The following PTPN23 variants were observed in gnomAD, a reference collection of about 807,000 sequenced individuals.
PTPN23 encodes the protein tyrosine-protein phosphatase non-receptor type 23.
A neutral mutation model predicts 156.3 loss-of-function variants in PTPN23; 72 were observed. The ratio of observed to expected loss-of-function variants is 0.46; its 90% CI spans 0.38 to 0.56. The LOEUF (loss-of-function observed/expected upper bound fraction) is 0.56. PTPN23 is among the 20% of genes least tolerant of loss of function. PTPN23 has a pLI of 0.00. For synonymous variants in PTPN23, 957 were observed against 899.6 expected (o/e 1.06, Z -1.14); for missense variants, 1,974 against 2,171.5 (o/e 0.91, Z 1.81).
At chr3:47,412,070 TC>T in intron 21 of PTPN23, 23 bp from the exon 22 acceptor site, 1 of 1,612,542 alleles carries the variant, frequency 6.2e-7, no homozygotes, top group Non-Finnish European at 8.5e-7. Context: ...CATAGGCTCT[TC>T]CTGGCCCCAT....
chr3:47,396,434 G>A (rs1704880995), intron 2 of PTPN23: 2 of 358,230 alleles, frequency 5.6e-6, no homozygotes. Flanking sequence ...AATTAGGCAG[G>A]TGTGGTGTCA....
intron 1 of PTPN23, among the ~76,000 whole-genome samples, chr3:47,382,680 C>CTTTTTTTT (rs71098482): frequency 0.013 from 787 of 58,624 alleles, 165 homozygotes; most frequent in East Asian, 0.031. Context: ...TTTTTCTTTT[C>CTTTTTTTT]TTTTTTTTTT....
intron 1 of PTPN23, among the ~76,000 whole-genome samples, chr3:47,395,700 G>A (rs1221647976): frequency 2.6e-5 from 4 of 152,228 alleles, no homozygotes; most frequent in Non-Finnish European, 4.4e-5. Context: ...ATGGGTTGGT[G>A]AGAGAGGCTT....
Position 47,410,955 on chromosome 3 carries a change from C to A in PTPN23, c.3157C>A (p.Pro1053Thr). 6.2e-7 allele frequency: 1 copy of A among 1,604,730 alleles called. No homozygotes were observed. The highest frequency in any genetic ancestry group is 8.5e-7 in the Non-Finnish European group (1 of 1,173,422). Residue 1053 changes from proline (P) to threonine (T), a missense_variant, in exon 20 of 25, where the codon CCT becomes ACT. Pro to Thr is a conservative substitution (Grantham distance 38). Around this residue, in one of 4 missense-constraint regions of PTPN23, gnomAD observed 731 missense variants for 669.1 expected, o/e 1.09. Coordinates refer to ENST00000265562, the MANE Select transcript of PTPN23 (RefSeq NM_015466.4). Reference protein sequence around the residue: ...QPPHPPLAYGPAPSTRPMGPQ... With the variant: ...QPPHPPLAYGTAPSTRPMGPQ... ...TCCCCATCCCCCACTGGCATATGGT[C>A]CTGCCCCTTCTACCAGACCCATGGG...
intron 1 of PTPN23, among the ~76,000 whole-genome samples, chr3:47,382,674 T>A (rs1704569147): frequency 7.4e-6 from 1 of 135,852 alleles, no homozygotes; most frequent in Admixed American, 8.0e-5. Context: ...GTTTTCTTTT[T>A]CTTTTCTTTT....
Position 47,410,640 on chromosome 3 carries a change from G to T in PTPN23, c.2842G>T (p.Ala948Ser). ...FSSGIPAGFP[A>S]PRIGPQPQPH... ...TTCTGGGATCCCCGCAGGTTTTCCA[G>T]CCCCAAGGATTGGGCCCCAGCCCCA... The change falls in exon 20 of 25, where the codon GCC (alanine) becomes TCC (serine). Residue 948 changes from alanine to serine, a missense_variant. By Grantham distance (99) the Ala-to-Ser change is moderately conservative. Around this residue, in one of 4 missense-constraint regions of PTPN23, gnomAD observed 731 missense variants for 669.1 expected, o/e 1.09. Transcript: ENST00000265562. 2 of 1,611,384 alleles carry T rather than the reference G, an allele frequency of 1.2e-6. No homozygotes were observed. Among genetic ancestry groups the T allele is most frequent in the Non-Finnish European group, 1.7e-6 (2 of 1,179,340 alleles).
Position 47,402,955 on chromosome 3 carries a change from C to T in PTPN23, c.160-1697C>T, listed in dbSNP as rs375604374. Among the ~76,000 whole-genome samples the T allele has an allele frequency of 9.8e-5, 15 of 152,306 alleles. No homozygotes were observed. In the South Asian group the frequency reaches 1.2e-3, roughly 13 times the overall value. On this transcript the variant is annotated intron_variant, in intron 2 of 24. Transcript: ENST00000265562. ...TCCTGACCTTAGGTGATCCATCCGC[C>T]TTGGCCTCCCAAAGTGCTAGGATTA... is the stretch of plus-strand genomic sequence containing the variant.
At position 47,412,194 on chromosome 3, in the gene PTPN23, T is replaced by C; in HGVS notation, c.4174T>C (p.Cys1392Arg). The stretch of plus-strand genomic sequence containing the variant: ...GCTGCACACGCCCATCATTGTGCAC[T>C]GCAGGTAGAGGGTGGGCCTGAGGGT... ...RPLHTPIIVH[C>R]SSGVGRTGAF... The change falls in exon 22 of 25, where the codon TGC becomes CGC. Residue 1392 changes from cysteine (C) to arginine (R), a missense_variant. Transcript: ENST00000265562. 1.2e-6 allele frequency: 2 copies of C among 1,613,182 alleles called. No individual in the cohort carries two copies. The highest frequency in any genetic ancestry group is 2.2e-5 in the East Asian group (1 of 44,882).
Position 47,413,392 on chromosome 3 carries a change from T to G in PTPN23, c.*207T>G. On this transcript the variant is annotated 3_prime_UTR_variant, in exon 25 of 25. Coordinates refer to ENST00000265562, the MANE Select transcript of PTPN23 (RefSeq NM_015466.4). Reference sequence around the variant, plus strand: ...CTGCTCCTTTATGGGACCCGACATTTTTCAGCTCTTTGCTATTGAAATAAT... The same window carrying G: ...CTGCTCCTTTATGGGACCCGACATTGTTCAGCTCTTTGCTATTGAAATAAT... The G allele has an allele frequency of 1.6e-6, 1 of 634,332 alleles. No homozygotes were observed. Among genetic ancestry groups the G allele is most frequent in the Non-Finnish European group, 2.6e-6 (1 of 384,656 alleles). The allele number at this position is 634,332 out of a possible 1,614,324, so 39.3% of individuals were successfully genotyped here.
At position 47,389,708 on chromosome 3, in the gene PTPN23, C is replaced by T. The variant is rs191965909; in HGVS notation, c.85-6435C>T. Among the ~76,000 whole-genome samples the T allele has an allele frequency of 2.0e-3, 306 of 152,058 alleles. 3 individuals carry two copies. Among genetic ancestry groups the T allele is most frequent in the African/African-American group, 6.7e-3 (277 of 41,496 alleles). On this transcript the variant is annotated intron_variant, in intron 1 of 24. Coordinates refer to ENST00000265562, the MANE Select transcript of PTPN23 (RefSeq NM_015466.4). Reference sequence around the variant, plus strand: ...ACAAACAATTAGCCAGGCGTGGTGGCGGGTGCCTGTAGTCCCAGCTGCTCA... The same window carrying T: ...ACAAACAATTAGCCAGGCGTGGTGGTGGGTGCCTGTAGTCCCAGCTGCTCA...
Position 47,405,539 on chromosome 3 carries a change from A to G in PTPN23, c.365-210A>G, listed in dbSNP as rs1273631628. ...GGACCCCTTGGACAGGAGCCCTTCC[A>G]TCCTCTGCCAAATGCAGAGCAGGAG... is the stretch of plus-strand genomic sequence containing the variant. On this transcript the variant is annotated intron_variant, in intron 4 of 24. Coordinates refer to ENST00000265562, the MANE Select transcript of PTPN23 (RefSeq NM_015466.4). The surrounding 1 kb of genome is among the most constrained non-coding windows in gnomAD (Gnocchi z 4.7). The G allele has an allele frequency of 5.0e-6, 3 of 598,086 alleles. No individual in the cohort carries two copies. The African/African-American group carries it at 5.6e-5, about 11-fold the overall frequency. The allele number at this position is 598,086 out of a possible 1,614,324, so 37.0% of individuals were successfully genotyped here.
At chr3:47,385,027 G>A (rs781106454) in intron 1 of PTPN23, among the ~76,000 whole-genome samples, 1 of 152,152 alleles carries the variant, frequency 6.6e-6, no homozygotes, top group Non-Finnish European at 1.5e-5. Flanking sequence ...CTCCCAAAGT[G>A]CTGGGATTAC....
rs773844064 is a variant in PTPN23, at chr3:47,412,419, A to G, written c.4315A>G (p.Lys1439Glu). The change falls in exon 23 of 25, where the codon AAG becomes GAG. Residue 1439 changes from lysine to glutamate, a missense_variant and splice_region_variant. Around this residue, in one of 4 missense-constraint regions of PTPN23, gnomAD observed 484 missense variants for 516.0 expected, o/e 0.94. Coordinates refer to ENST00000265562, the MANE Select transcript of PTPN23 (RefSeq NM_015466.4). ...GCAGAGAAAGCACATGCTGCAGGAG[A>G]AGGTGAGGATCTGGGCAGATGGGGC... ...RQQRKHMLQE[K>E]LHLRFCYEAV... 1.6e-5 allele frequency: 26 copies of G among 1,612,732 alleles called. No homozygotes were observed. The highest frequency in any genetic ancestry group is 2.2e-5 in the East Asian group (1 of 44,892).
chr3:47,406,539 T>C lies in PTPN23; in HGVS notation c.686T>C (p.Leu229Pro). The C allele has an allele frequency of 6.2e-7, 1 of 1,614,002 alleles. No homozygotes were observed. The highest frequency in any genetic ancestry group is 8.5e-7 in the Non-Finnish European group (1 of 1,180,010). Reference protein sequence around the residue: ...RALENPDTASLLGRIQKDWKK... With the variant: ...RALENPDTASPLGRIQKDWKK... ...TTGGAGAACCCCGACACTGCCTCAC[T>C]GCTGGGCCGGATCCAGAAGGACTGG... is the stretch of plus-strand genomic sequence containing the variant. Residue 229 changes from leucine to proline, a missense_variant, in exon 8 of 25, where the codon CTG becomes CCG. Transcript: ENST00000265562. This position sits in a 1 kb window ranked among gnomAD's most constrained non-coding sequence, Gnocchi z 5.8.
Position 47,410,557 on chromosome 3 carries a change from C to G in PTPN23, c.2759C>G (p.Thr920Arg). The change falls in exon 20 of 25, where the codon ACG (threonine) becomes AGG (arginine). Residue 920 changes from threonine to arginine, a missense_variant. By Grantham distance (71) the Thr-to-Arg change is moderately conservative. This residue lies in a region of PTPN23 where 731 missense variants were observed against 669.1 expected (regional missense o/e 1.09). Coordinates refer to ENST00000265562, the MANE Select transcript of PTPN23 (RefSeq NM_015466.4). Reference protein sequence around the residue: ...FPVPPPQPLPTPYTYPAGAKQ... With the variant: ...FPVPPPQPLPRPYTYPAGAKQ... ...GTGCCCCCACCGCAGCCACTGCCCA[C>G]GCCTTACACCTACCCTGCAGGGGCT... is the stretch of plus-strand genomic sequence containing the variant. 1.2e-6 allele frequency: 2 copies of G among 1,611,942 alleles called. No homozygotes were observed. Among genetic ancestry groups the G allele is most frequent in the Non-Finnish European group, 1.7e-6 (2 of 1,179,386 alleles).
intron 2 of PTPN23, among the ~76,000 whole-genome samples, chr3:47,403,587 G>A (rs1373675548): frequency 6.6e-6 from 1 of 152,074 alleles, no homozygotes; most frequent in Non-Finnish European, 1.5e-5. Context: ...GGAAAACAGT[G>A]GCACAACCAT....
Position 47,411,622 on chromosome 3 carries a change from T to A in PTPN23, c.3824T>A (p.Leu1275His). 6.2e-7 allele frequency: 1 copy of A among 1,611,742 alleles called. No individual in the cohort carries two copies. Among genetic ancestry groups the A allele is most frequent in the Non-Finnish European group, 8.5e-7 (1 of 1,179,652 alleles). The stretch of plus-strand genomic sequence containing the variant: ...CCTGGCACAGCTGCTGACTTCTGGC[T>A]CATGGTCCATGAGCAGAAAGTGTCA... ...PLPGTAADFW[L>H]MVHEQKVSVI... is the part of the protein sequence containing the mutation. The change falls in exon 20 of 25, where the codon CTC (leucine) becomes CAC (histidine). Residue 1275 changes from leucine (L) to histidine (H), a missense_variant. Around this residue, in one of 4 missense-constraint regions of PTPN23, gnomAD observed 484 missense variants for 516.0 expected, o/e 0.94. Transcript: ENST00000265562. This position sits in a 1 kb window ranked among gnomAD's most constrained non-coding sequence, Gnocchi z 6.3.
In PTPN23 at chr3:47,411,236, G is replaced by A. The variant is rs759652363; in HGVS notation, c.3438G>A (p.Val1146=). The stretch of plus-strand genomic sequence containing the variant: ...AGCCCCTGCTGCAGCCCACCAAGGT[G>A]GATGCAGCTGAGGGTCGTCGGCCGC... The part of the protein sequence containing the change: ...GGQPLLQPTK[V]DAAEGRRPQA... Residue 1146 remains valine (V), a synonymous_variant, in exon 20 of 25, where the codon GTG becomes GTA. Transcript: ENST00000265562. The surrounding 1 kb of genome is among the most constrained non-coding windows in gnomAD (Gnocchi z 6.3). The A allele has an allele frequency of 2.5e-6, 4 of 1,607,592 alleles. No individual in the cohort carries two copies. The African/African-American group carries it at 4.0e-5, about 16-fold the overall frequency.
chr3:47,397,089 G>T (rs1199212863), intron 2 of PTPN23, among the ~76,000 whole-genome samples: 2 of 152,218 alleles, frequency 1.3e-5, no homozygotes, highest in Admixed American at 1.3e-4. Flanking sequence ...AGGCCAGCCA[G>T]TGAAGCAGTG....
Sources: gnomAD v4.1 joint callset for allele counts (sites outside exome capture counted in the v4.1 genomes callset) on GRCh38, gnomAD v4.1.1 for gene constraint, gnomAD v4.1.1 regional missense constraint, Gnocchi (gnomAD v3.1) non-coding constraint, MANE v1.5 for transcripts, NCBI Gene and HGNC (gene_info 2026-07-23, HGNC 2026-07-21) for gene names.